The following NIBAN1 variants were observed in gnomAD, a reference collection of about 807,000 sequenced individuals.
NIBAN1 encodes the protein protein Niban 1.
NIBAN1 carries 81 observed loss-of-function variants against 75.1 expected under a neutral mutation model. That is an observed-to-expected ratio of 1.08 (90% CI 0.90 to 1.30). The LOEUF is 1.30. Among genes scored for constraint, NIBAN1 ranks in the 50% most tolerant of loss-of-function variants. The pLI is 0.00. For synonymous variants in NIBAN1, 436 were observed against 424.8 expected (o/e 1.03, Z -0.32); for missense variants, 1,133 against 1,128.1 (o/e 1.00, Z -0.06).
intron 5 of NIBAN1, among the ~76,000 whole-genome samples, chr1:184,870,596 T>A (rs1057208902): frequency 6.6e-6 from 1 of 152,152 alleles, no homozygotes. Context: ...GTCAAGGTGG[T>A]AAATGTGCAG....
chr1:184,806,565 C>T (rs561621708), intron 10 of NIBAN1, among the ~76,000 whole-genome samples: 118 of 152,168 alleles, frequency 7.8e-4, no homozygotes, highest in Middle Eastern at 3.4e-3. Flanking sequence ...CCTGTGTTCC[C>T]GTCACCAGGG....
In NIBAN1 at chr1:184,926,174, C is replaced by A. The variant is rs1277393563; in HGVS notation, c.56-26865G>T. ...TGTCATGCTACTTTCTTCTGGCCTA[C>A]AAGGTTTCCACTAAGAAGTCTGCTG... On this transcript the variant is annotated intron_variant, in intron 1 of 13. Coordinates refer to ENST00000367511, the MANE Select transcript of NIBAN1 (RefSeq NM_052966.4). 2.6e-5 allele frequency among the ~76,000 whole-genome samples: 4 copies of A among 152,224 alleles called. No homozygotes were observed. The East Asian group carries it at 7.7e-4, about 29-fold the overall frequency.
chr1:184,825,092 G>A (rs1306089716), intron 6 of NIBAN1, among the ~76,000 whole-genome samples: 1 of 152,176 alleles, frequency 6.6e-6, no homozygotes, highest in African/African-American at 2.4e-5. Context: ...GACCCCTATT[G>A]AGAGGGCAGC....
At chr1:184,962,186 T>C (rs1278579476) in intron 1 of NIBAN1, among the ~76,000 whole-genome samples, 1 of 152,204 alleles carries the variant, frequency 6.6e-6, no homozygotes, top group Non-Finnish European at 1.5e-5. Flanking sequence ...AGTAAAATCA[T>C]AAAATAAACG....
intron 1 of NIBAN1, among the ~76,000 whole-genome samples, chr1:184,968,706 G>A (rs927345247): frequency 6.6e-5 from 10 of 152,150 alleles, no homozygotes; most frequent in Non-Finnish European, 1.2e-4. Context: ...TGGGCCGCAC[G>A]TAAAAAGAAG....
chr1:184,823,043 G>A, intron 8 of NIBAN1, 124 bp downstream of exon 8: 1 of 1,163,696 alleles, frequency 8.6e-7, no homozygotes, highest in Non-Finnish European at 1.2e-6. Context: ...TGTTGCAGCT[G>A]TGATCACCTC....
intron 1 of NIBAN1, among the ~76,000 whole-genome samples, chr1:184,899,842 G>A (rs1415369782): frequency 7.9e-6 from 1 of 126,058 alleles, no homozygotes; most frequent in Non-Finnish European, 1.6e-5. Flanking sequence ...TTGAGACAGA[G>A]TGTCCATCTT....
chr1:184,930,311 G>A (rs892279316), intron 1 of NIBAN1, among the ~76,000 whole-genome samples: 2 of 152,194 alleles, frequency 1.3e-5, no homozygotes, highest in African/African-American at 4.8e-5. Context: ...TGAGAGAAAT[G>A]TTTGAAATCT....
chr1:184,932,342 G>T (rs1217820793), intron 1 of NIBAN1, among the ~76,000 whole-genome samples: 1 of 152,106 alleles, frequency 6.6e-6, no homozygotes, highest in Non-Finnish European at 1.5e-5. Flanking sequence ...GCAACTAGAC[G>T]GTCCCATCTG....
At chr1:184,963,414 G>A (rs1305977343) in intron 1 of NIBAN1, among the ~76,000 whole-genome samples, 1 of 152,072 alleles carries the variant, frequency 6.6e-6, no homozygotes, top group East Asian at 1.9e-4. Flanking sequence ...GCTGAATATT[G>A]TGCTGGAGGT....
At position 184,884,719 on chromosome 1, in the gene NIBAN1, C is replaced by T; in HGVS notation, c.515G>A (p.Arg172Lys). 1 of 1,614,220 alleles carries T rather than the reference C, an allele frequency of 6.2e-7. No homozygotes were observed. Among genetic ancestry groups the T allele is most frequent in the Non-Finnish European group, 8.5e-7 (1 of 1,180,026 alleles). ...FPVYLWQPFF[R>K]HGYFCFHEAA... Reference sequence around the variant, plus strand: ...CTCGTGGAAGCAGAAGTAGCCGTGTCTGAAGAAGGGCTGCCACAGGTACAC... The same window carrying T: ...CTCGTGGAAGCAGAAGTAGCCGTGTTTGAAGAAGGGCTGCCACAGGTACAC... Residue 172 changes from arginine (R) to lysine (K), a missense_variant, in exon 5 of 14, where the codon AGA (arginine) becomes AAA (lysine). Arg to Lys is a conservative substitution (Grantham distance 26). Transcript: ENST00000367511.
At chr1:184,916,169 A>C (rs1045643187) in intron 1 of NIBAN1, among the ~76,000 whole-genome samples, 3 of 152,224 alleles carry the variant, frequency 2.0e-5, no homozygotes, top group Non-Finnish European at 4.4e-5. Flanking sequence ...ATGCAAATAA[A>C]TGTGTCTATT....
At chr1:184,903,733 CTTTTTTT>C (rs368105582) in intron 1 of NIBAN1, among the ~76,000 whole-genome samples, 1 of 99,922 alleles carries the variant, frequency 1.0e-5, no homozygotes, top group Admixed American at 1.2e-4. Flanking sequence ...CCGATTAAAC[CTTTTTTT>C]TTTTTTTTTT....
At chr1:184,963,679 A>C (rs1424872459) in intron 1 of NIBAN1, among the ~76,000 whole-genome samples, 1 of 152,204 alleles carries the variant, frequency 6.6e-6, no homozygotes, top group East Asian at 1.9e-4. Flanking sequence ...AAAAAGTGAA[A>C]GGCACCAATA....
chr1:184,813,862 A>C (rs755179687), intron 9 of NIBAN1, among the ~76,000 whole-genome samples: 1 of 152,198 alleles, frequency 6.6e-6, no homozygotes, highest in Non-Finnish European at 1.5e-5. Context: ...CTGCATTTCT[A>C]TCTGGGTCCT....
At chr1:184,888,711 A>C (rs1656594098) in intron 4 of NIBAN1, among the ~76,000 whole-genome samples, 1 of 152,224 alleles carries the variant, frequency 6.6e-6, no homozygotes, top group Non-Finnish European at 1.5e-5. Context: ...TTACAGCAAT[A>C]AATCAATAAA....
rs181553022 is a variant in NIBAN1 at position 184,835,779 on chromosome 1, T to C, written c.602-3817A>G. The stretch of plus-strand genomic sequence containing the variant: ...GGGGTTTTCTAAATATACAATCATG[T>C]CATCTGCAAACAGGGACAATTTGAC... On this transcript the variant is annotated intron_variant, in intron 5 of 13. Transcript: ENST00000367511. Among the ~76,000 whole-genome samples, 4 of 152,386 alleles carry C rather than the reference T, an allele frequency of 2.6e-5. No homozygotes were observed. The East Asian group carries it at 7.7e-4, about 29-fold the overall frequency.
intron 1 of NIBAN1, among the ~76,000 whole-genome samples, chr1:184,953,197 C>T (rs146795069): frequency 1.8e-4 from 27 of 152,180 alleles, no homozygotes; most frequent in African/African-American, 6.5e-4. Context: ...ACTATTATCC[C>T]CACTTTGTAG....
chr1:184,888,626 C>A (rs1277229859), intron 4 of NIBAN1, among the ~76,000 whole-genome samples: 1 of 152,216 alleles, frequency 6.6e-6, no homozygotes, highest in Non-Finnish European at 1.5e-5. Context: ...ATGCCCCAAT[C>A]TGAAGCCTTG....
Sources: allele counts gnomAD v4.1 joint callset (sites outside exome capture counted in the v4.1 genomes callset), GRCh38; gene constraint gnomAD v4.1.1; transcripts MANE v1.5; gene names NCBI Gene and HGNC (gene_info 2026-07-23, HGNC 2026-07-21).